LVRN: variants seen among roughly 807,000 people sequenced by gnomAD.
The protein encoded by LVRN is laeverin.
A neutral mutation model predicts 111.4 loss-of-function variants in LVRN; 99 were observed. The observed-to-expected ratio is 0.89, with a 90% CI of 0.76 to 1.05. The LOEUF (loss-of-function observed/expected upper bound fraction) is 1.05. LVRN is among the 50% of genes least tolerant of loss of function. The probability of loss-of-function intolerance (pLI) is 0.00; values close to 1 mark genes in which losing one functional copy is unlikely to be tolerated. For missense variants in LVRN, 1,414 were observed against 1,206.8 expected (o/e 1.17, Z -2.54); for synonymous variants, 488 against 449.5 (o/e 1.09, Z -1.08).
At chr5:115,989,991 G>A (rs1035841486) in intron 4 of LVRN, among the ~76,000 whole-genome samples, 2 of 152,164 alleles carry the variant, frequency 1.3e-5, no homozygotes, top group African/African-American at 4.8e-5. Flanking sequence ...CTGAGGAGGT[G>A]AGTTGGGTGA....
At chr5:115,984,134 G>C (rs1194956147) in intron 2 of LVRN, among the ~76,000 whole-genome samples, 1 of 152,122 alleles carries the variant, frequency 6.6e-6, no homozygotes, top group Non-Finnish European at 1.5e-5. Flanking sequence ...TGTGATTTCA[G>C]CTTTAAAGGC....
chr5:115,970,554 T>C (rs759377036), intron 1 of LVRN, among the ~76,000 whole-genome samples: 7 of 152,198 alleles, frequency 4.6e-5, no homozygotes, highest in Admixed American at 1.3e-4. Context: ...GGCTAATTTT[T>C]TTTTTGTATT....
At chr5:115,976,785 T>C (rs1753458955) in intron 1 of LVRN, among the ~76,000 whole-genome samples, 2 of 152,218 alleles carry the variant, frequency 1.3e-5, no homozygotes, top group Middle Eastern at 3.2e-3. Context: ...TTTTATGTTG[T>C]TGGATGCTGG....
intron 1 of LVRN, among the ~76,000 whole-genome samples, chr5:115,979,122 T>G (rs1435034739): frequency 6.6e-6 from 1 of 152,064 alleles, no homozygotes; most frequent in Non-Finnish European, 1.5e-5. Context: ...ATTGGCTCAC[T>G]TTGTATGGTA....
rs1748860014 is a variant in LVRN at position 116,026,216 on chromosome 5, T to C, written c.*98T>C. 1.3e-6 allele frequency: 2 copies of C among 1,501,850 alleles called. No homozygotes were observed. Among genetic ancestry groups the C allele is most frequent in the Admixed American group, 3.9e-5 (2 of 50,916 alleles). The allele number at this position is 1,501,850 out of a possible 1,614,324, so 93.0% of individuals were successfully genotyped here. On this transcript the variant is annotated 3_prime_UTR_variant, in exon 20 of 20. Transcript: ENST00000357872. Reference sequence around the variant, plus strand: ...TTGTGAGTCTGGAAAACCACACATTTTATTTGTATTTCAGTCACATTTATT... The same window carrying C: ...TTGTGAGTCTGGAAAACCACACATTCTATTTGTATTTCAGTCACATTTATT...
Position 115,987,931 on chromosome 5 carries a change from C to A in LVRN, c.1097C>A (p.Pro366Gln), listed in dbSNP as rs1403720691. The change falls in exon 4 of 20, where the codon CCA becomes CAA. Residue 366 changes from proline to glutamine, a missense_variant. Physicochemically the swap from Pro to Gln is moderately conservative, Grantham distance 76. Coordinates refer to ENST00000357872, the MANE Select transcript of LVRN (RefSeq NM_173800.5). ...TTGTTTAATATCAGTTACTCTCTTCCAAAAACAGGTGAGGTAATCTTTTCC... is the reference window on the plus strand; with the variant it reads ...TTGTTTAATATCAGTTACTCTCTTCAAAAAACAGGTGAGGTAATCTTTTCC... Reference protein sequence around the residue: ...EDLFNISYSLPKTDIIALPSF... With the variant: ...EDLFNISYSLQKTDIIALPSF... The A allele has an allele frequency of 6.2e-7, 1 of 1,608,204 alleles. No homozygotes were observed. The highest frequency in any genetic ancestry group is 1.7e-5 in the Admixed American group (1 of 58,588).
intron 1 of LVRN, among the ~76,000 whole-genome samples, chr5:115,964,140 G>C (rs928890679): frequency 6.6e-6 from 1 of 152,202 alleles, no homozygotes; most frequent in African/African-American, 2.4e-5. Flanking sequence ...GCGAACTCCA[G>C]GGAAATAGCT....
At chr5:115,963,562 G>A (rs537646382) in intron 1 of LVRN, among the ~76,000 whole-genome samples, 49 of 152,210 alleles carry the variant, frequency 3.2e-4, no homozygotes, top group African/African-American at 1.1e-3. Context: ...CACCCATTAA[G>A]AAATATACCC....
In LVRN at chr5:116,022,679, C is replaced by G. The variant is rs117912822; in HGVS notation, c.2832+213C>G. 4.8e-3 allele frequency among the ~76,000 whole-genome samples: 733 copies of G among 152,336 alleles called. 5 individuals carry two copies. The highest frequency in any genetic ancestry group is 0.024 in the East Asian group (125 of 5,194). On this transcript the variant is annotated intron_variant, in intron 19 of 19. Transcript: ENST00000357872. ...CATGGAGGGTGGCACTTCATCCTCT[C>G]TCACCTGAATGCAGGGGACTCTGGC...
Position 116,001,248 on chromosome 5 carries a change from C to T in LVRN, c.1820+9C>T, listed in dbSNP as rs748806994. 4.3e-6 allele frequency: 7 copies of T among 1,611,644 alleles called. No homozygotes were observed. The highest frequency in any genetic ancestry group is 5.9e-6 in the Non-Finnish European group (7 of 1,179,288). ...ACTCTTCTAACCAGCAAGTAGGTAG[C>T]TTTGCTCCTCTTTGTCTTCACCTTC... On this transcript the variant is annotated intron_variant, in intron 10 of 19. Coordinates refer to ENST00000357872, the MANE Select transcript of LVRN (RefSeq NM_173800.5).
intron 18 of LVRN, chr5:116,021,147 A>T (rs930098061): frequency 6.6e-6 from 1 of 152,186 alleles, no homozygotes; most frequent in East Asian, 1.9e-4. Flanking sequence ...ATGCACCAGA[A>T]CAATGCTTCT....
At chr5:115,974,801 T>A in intron 1 of LVRN, 1 of 284,420 alleles carries the variant, frequency 3.5e-6, no homozygotes, top group Non-Finnish European at 7.0e-6. Context: ...CATCAAGACC[T>A]CAGGATGTTA....
At chr5:116,021,766 G>C (rs1561571538) in intron 18 of LVRN, 2 of 439,216 alleles carry the variant, frequency 4.6e-6, no homozygotes, top group South Asian at 3.4e-5. Context: ...AGTGTCTGCT[G>C]TTTTTTCATA....
At chr5:116,025,643 G>T (rs1318734263) in intron 19 of LVRN, among the ~76,000 whole-genome samples, 3 of 152,100 alleles carry the variant, frequency 2.0e-5, no homozygotes, top group Non-Finnish European at 4.4e-5. Context: ...AAATTGGGGG[G>T]GTTCACTGTA....
Position 115,992,239 on chromosome 5 carries a change from C to T in LVRN, c.1222C>T (p.Leu408=). 6.2e-7 allele frequency: 1 copy of T among 1,613,936 alleles called. No homozygotes were observed. Among genetic ancestry groups the T allele is most frequent in the Admixed American group, 1.7e-5 (1 of 60,002 alleles). ...AGATCAACTGACAGAAAAAAAGACT[C>T]TGATCTCCTATGTTGTCTCCCACGA... is the stretch of plus-strand genomic sequence containing the variant. ...PKDQLTEKKT[L]ISYVVSHEIG... The change falls in exon 5 of 20, where the codon CTG becomes TTG. Residue 408 remains leucine, a synonymous_variant. Coordinates refer to ENST00000357872, the MANE Select transcript of LVRN (RefSeq NM_173800.5).
chr5:116,019,066 T>C lies in LVRN; in HGVS notation c.2756+3301T>C, dbSNP rs184871440. The stretch of plus-strand genomic sequence containing the variant: ...GTCATTGTGTGAACAGCATAGACTG[T>C]ACTTACACAAACCTAGATGGTAGAG... On this transcript the variant is annotated intron_variant, in intron 18 of 19. Transcript: ENST00000357872. Among the ~76,000 whole-genome samples the C allele has an allele frequency of 7.9e-5, 12 of 152,340 alleles. No individual in the cohort carries two copies. In the East Asian group the frequency reaches 1.9e-3, roughly 24 times the overall value.
intron 3 of LVRN, 135 bp downstream of exon 3, chr5:115,984,844 G>C (rs373569698): frequency 8.1e-7 from 1 of 1,237,816 alleles, no homozygotes. Flanking sequence ...CCCTGTAAAA[G>C]TTCTTAGTGT....
chr5:115,969,162 GA>G (rs1443341512), intron 1 of LVRN, among the ~76,000 whole-genome samples: 5 of 152,246 alleles, frequency 3.3e-5, no homozygotes, highest in African/African-American at 1.2e-4. Flanking sequence ...ATGTCTTAAG[GA>G]AATAAAAGAG....
chr5:115,994,650 ATAT>A (rs1399089751), intron 6 of LVRN, among the ~76,000 whole-genome samples: 1 of 148,434 alleles, frequency 6.7e-6, no homozygotes, highest in Non-Finnish European at 1.5e-5. Context: ...TATTTAATTA[ATAT>A]TATTGCTGAT....
Sources: allele counts gnomAD v4.1 joint callset (sites outside exome capture counted in the v4.1 genomes callset), GRCh38; gene constraint gnomAD v4.1.1; transcripts MANE v1.5; gene names NCBI Gene and HGNC (gene_info 2026-07-23, HGNC 2026-07-21).